The following PCDH17 variants were observed in gnomAD, a reference collection of about 807,000 sequenced individuals.
The protein encoded by PCDH17 is protocadherin 17.
In PCDH17, 21 loss-of-function variants were observed where a neutral mutation model predicts 67.7. The observed-to-expected ratio is 0.31, with a 90% CI of 0.22 to 0.45. The LOEUF (loss-of-function observed/expected upper bound fraction) is 0.45. Among genes scored for constraint, PCDH17 ranks in the 20% least tolerant of loss-of-function variants. PCDH17 has a pLI of 1.00. For synonymous variants in PCDH17, 701 were observed against 656.7 expected, an observed-to-expected ratio of 1.07 and a Z score of -1.03; for missense variants, 1,471 against 1,564.8, an observed-to-expected ratio of 0.94 and a Z score of 1.01.
At chr13:57,644,841 C>T (rs1472033532) in intron 1 of PCDH17, among the ~76,000 whole-genome samples, 3 of 151,682 alleles carry the variant, frequency 2.0e-5, no homozygotes, top group Non-Finnish European at 4.4e-5. Flanking sequence ...TTTTCCATCA[C>T]GCTCTTCGGT....
Position 57,728,827 on chromosome 13 carries a change from A to G in PCDH17, c.*3533A>G, listed in dbSNP as rs953320243. The G allele has an allele frequency of 2.6e-5, 4 of 152,200 alleles. No homozygotes were observed. Among genetic ancestry groups the G allele is most frequent in the African/African-American group, 7.2e-5 (3 of 41,448 alleles). The allele number at this position is 152,200 out of a possible 1,614,324, so 9.4% of individuals were successfully genotyped here. ...CTTTAAAGGATCTAGATATTGTTCA[A>G]TTTAAAATATGGCACCATAAAAAAG... On this transcript the variant is annotated 3_prime_UTR_variant, in exon 4 of 4. Transcript: ENST00000377918.
At chr13:57,716,291 C>T (rs1471450343) in intron 3 of PCDH17, among the ~76,000 whole-genome samples, 7 of 151,918 alleles carry the variant, frequency 4.6e-5, no homozygotes. Context: ...GCTTCATTGC[C>T]TGCTGCATTA....
intron 3 of PCDH17, among the ~76,000 whole-genome samples, chr13:57,711,203 C>G (rs114174096): frequency 0.01 from 1,560 of 151,946 alleles, 23 homozygotes; most frequent in African/African-American, 0.036. Flanking sequence ...CAATATATTT[C>G]TGCCTTGATC....
At position 57,725,381 on chromosome 13, in the gene PCDH17, G is replaced by A; in HGVS notation, c.*87G>A. On this transcript the variant is annotated 3_prime_UTR_variant, in exon 4 of 4. Coordinates refer to ENST00000377918, the MANE Select transcript of PCDH17 (RefSeq NM_001040429.3). ...CCTCCTGGTGATAACCCATTTTACA[G>A]GGATGAAGAAAGACCAATGCTGCTT... 8.2e-7 allele frequency: 1 copy of A among 1,226,686 alleles called. No individual in the cohort carries two copies. The highest frequency in any genetic ancestry group is 1.5e-5 in the South Asian group (1 of 67,556). The allele number at this position is 1,226,686 out of a possible 1,614,324, so 76.0% of individuals were successfully genotyped here. A position where few individuals can be genotyped will look rare whatever the true frequency, so the allele number is the denominator to read the frequency against.
chr13:57,693,315 C>CATGTATATAT (rs1555286761), intron 3 of PCDH17, among the ~76,000 whole-genome samples: 1 of 89,360 alleles, frequency 1.1e-5, no homozygotes, highest in East Asian at 3.0e-4. Context: ...CACTTACATT[C>CATGTATATAT]ATATATATAT....
At chr13:57,661,490 CT>C (rs1378585143) in intron 1 of PCDH17, among the ~76,000 whole-genome samples, 1 of 152,150 alleles carries the variant, frequency 6.6e-6, no homozygotes, top group Non-Finnish European at 1.5e-5. Context: ...ACTTTTTCTT[CT>C]GTGGATCATG....
upstream of PCDH17, among the ~76,000 whole-genome samples, chr13:57,630,321 A>G (rs2137962120): frequency 6.6e-6 from 1 of 152,054 alleles, no homozygotes; most frequent in South Asian, 2.1e-4. Flanking sequence ...CACCAGACTG[A>G]AAGAGACCAC....
chr13:57,675,787 G>A (rs1593919211), intron 3 of PCDH17, among the ~76,000 whole-genome samples: 1 of 152,046 alleles, frequency 6.6e-6, no homozygotes, highest in African/African-American at 2.4e-5. Context: ...GCCATTAGGG[G>A]TGCTCAGGAG....
At position 57,633,894 on chromosome 13, in the gene PCDH17, C is replaced by T; in HGVS notation, c.1348C>T (p.Pro450Ser). Residue 450 changes from proline (P) to serine (S), a missense_variant, in exon 1 of 4, where the codon CCT (proline) becomes TCT (serine). Coordinates refer to ENST00000377918, the MANE Select transcript of PCDH17 (RefSeq NM_001040429.3). The surrounding 1 kb of genome is among the most constrained non-coding windows in gnomAD (Gnocchi z 6.2). ...VTIVARDGGSPPLNSTKSFAI... is the reference protein window; with the variant it reads ...VTIVARDGGSSPLNSTKSFAI... ...CATCGTGGCGCGGGACGGGGGCTCT[C>T]CTCCCCTCAACTCCACCAAGTCGTT... 1 of 1,613,200 alleles carries T rather than the reference C, an allele frequency of 6.2e-7. No homozygotes were observed. Among genetic ancestry groups the T allele is most frequent in the Non-Finnish European group, 8.5e-7 (1 of 1,180,022 alleles).
intron 1 of PCDH17, among the ~76,000 whole-genome samples, chr13:57,639,705 C>A (rs1954867391): frequency 6.6e-6 from 1 of 151,682 alleles, no homozygotes; most frequent in Admixed American, 6.6e-5. Flanking sequence ...TGTGTGAGTT[C>A]TATAATTTCA....
chr13:57,651,356 G>GTTTT (rs67207232), intron 1 of PCDH17, among the ~76,000 whole-genome samples: 10 of 84,100 alleles, frequency 1.2e-4, no homozygotes, highest in Non-Finnish European at 1.3e-4. Flanking sequence ...TTTAATTGAG[G>GTTTT]TTTTTTTTTT....
intron 3 of PCDH17, among the ~76,000 whole-genome samples, chr13:57,689,890 CTAATTA>C (rs1371840065): frequency 6.6e-6 from 1 of 151,662 alleles, no homozygotes; most frequent in East Asian, 1.9e-4. Flanking sequence ...ATAGGCTATT[CTAATTA>C]TATTTGCAGA....
intron 3 of PCDH17, among the ~76,000 whole-genome samples, chr13:57,705,753 C>A (rs539091666): frequency 6.6e-6 from 1 of 152,088 alleles, no homozygotes; most frequent in Admixed American, 6.6e-5. Flanking sequence ...CAGTGGCTCA[C>A]CCCTGTAATC....
chr13:57,650,514 C>A (rs941070505), intron 1 of PCDH17, among the ~76,000 whole-genome samples: 1 of 152,028 alleles, frequency 6.6e-6, no homozygotes, highest in Non-Finnish European at 1.5e-5. Flanking sequence ...CTGGGAAAAA[C>A]AACAACTATT....
chr13:57,668,518 A>G (rs2138027235), intron 3 of PCDH17, among the ~76,000 whole-genome samples: 1 of 152,218 alleles, frequency 6.6e-6, no homozygotes, highest in East Asian at 1.9e-4. Context: ...ACAGAAGTGA[A>G]TTTTATGTAT....
rs749674334 is a variant in PCDH17 at position 57,634,322 on chromosome 13, C to A, written c.1776C>A (p.Thr592=). Residue 592 remains threonine (T), a synonymous_variant, in exon 1 of 4, where the codon ACC becomes ACA. Coordinates refer to ENST00000377918, the MANE Select transcript of PCDH17 (RefSeq NM_001040429.3). This position sits in a 1 kb window ranked among gnomAD's most constrained non-coding sequence, Gnocchi z 7.8. ...TGCTCCCCACGCTGCAGAACGACAC[C>A]GCGGAGCTGCAGGTGCCGCGCAACG... ...VIVLPTLQND[T]AELQVPRNAG... The A allele has an allele frequency of 2.5e-6, 4 of 1,612,912 alleles. No individual in the cohort carries two copies. The highest frequency in any genetic ancestry group is 3.4e-6 in the Non-Finnish European group (4 of 1,180,022).
At position 57,727,870 on chromosome 13, in the gene PCDH17, A is replaced by C. The variant is rs1955926365; in HGVS notation, c.*2576A>C. 1 of 152,544 alleles carries C rather than the reference A, an allele frequency of 6.6e-6. No homozygotes were observed. The highest frequency in any genetic ancestry group is 2.4e-5 in the African/African-American group (1 of 41,450). 9.4% of individuals were successfully genotyped at this position (152,544 alleles called of 1,614,324 possible). A position where few individuals can be genotyped will look rare whatever the true frequency, so the allele number is the denominator to read the frequency against. On this transcript the variant is annotated 3_prime_UTR_variant, in exon 4 of 4. Transcript: ENST00000377918. ...TTAGTAAAATCTAAAGCAGTATGTA[A>C]ATGAAACCAGCAAAGAGAGTAGGGT...
At chr13:57,665,768 A>C (rs939266717) in intron 1 of PCDH17, among the ~76,000 whole-genome samples, 1 of 152,170 alleles carries the variant, frequency 6.6e-6, no homozygotes. Context: ...CGCAAAAACA[A>C]GCCTGGTTTC....
intron 3 of PCDH17, among the ~76,000 whole-genome samples, chr13:57,711,619 A>G (rs1955776952): frequency 6.6e-6 from 1 of 151,804 alleles, no homozygotes; most frequent in Admixed American, 6.6e-5. Flanking sequence ...AGGATAGCAA[A>G]GCTTGCTAAT....
Sources: allele counts gnomAD v4.1 joint callset (sites outside exome capture counted in the v4.1 genomes callset), GRCh38; gene constraint gnomAD v4.1.1; non-coding constraint Gnocchi (gnomAD v3.1); transcripts MANE v1.5; gene names NCBI Gene and HGNC (gene_info 2026-07-23, HGNC 2026-07-21).